GABRA3: variants seen among roughly 807,000 people sequenced by gnomAD.
The protein encoded by GABRA3 is gamma-aminobutyric acid receptor subunit alpha-3.
GABRA3 carries 10 observed loss-of-function variants against 30.1 expected under a neutral mutation model. The ratio of observed to expected loss-of-function variants is 0.33; its 90% CI spans 0.20 to 0.56. GABRA3 has a LOEUF of 0.56. Among genes scored for constraint, GABRA3 ranks in the 20% least tolerant of loss-of-function variants. GABRA3 has a pLI of 0.89. For synonymous variants in GABRA3, 151 were observed against 146.8 expected (o/e 1.03, Z -0.21); for missense variants, 233 against 392.0 (o/e 0.59, Z 3.42).
chrX:152,305,102 C>T (rs750582634), intron 3 of GABRA3, among the ~76,000 whole-genome samples: 3 of 110,459 alleles, frequency 2.7e-5, no homozygotes, highest in Non-Finnish European at 5.7e-5. Flanking sequence ...AGTATTTTGA[C>T]GTGTATATGT....
chrX:152,423,511 A>G, intron 1 of GABRA3, among the ~76,000 whole-genome samples: 1 of 112,176 alleles, frequency 8.9e-6, no homozygotes. Flanking sequence ...TTTAGAAAAT[A>G]AAGTTAGGCT....
chrX:152,306,016 A>G (rs1238758028), intron 3 of GABRA3, among the ~76,000 whole-genome samples: 1 of 112,271 alleles, frequency 8.9e-6, no homozygotes, highest in Non-Finnish European at 1.9e-5. Flanking sequence ...TTGTAAGTGT[A>G]TTAAAAATCT....
At chrX:152,439,573 T>A (rs1930866318) in intron 1 of GABRA3, among the ~76,000 whole-genome samples, 1 of 111,616 alleles carries the variant, frequency 9.0e-6, no homozygotes, top group African/African-American at 3.3e-5. Flanking sequence ...AGACATTTAC[T>A]TTGCATATAA....
At position 152,182,810 on chromosome X, in the gene GABRA3, T is replaced by C. The variant is rs767423610; in HGVS notation, c.1143+6920A>G. On this transcript the variant is annotated intron_variant, in intron 9 of 9. Transcript: ENST00000370314. ...TATATATACTATATATGTATATATT[T>C]ACACCATATATATACATATATATAG... Among the ~76,000 whole-genome samples, 64 of 41,798 alleles carry C rather than the reference T, an allele frequency of 1.5e-3. 1 individual carries two copies. The highest frequency in any genetic ancestry group is 5.2e-3 in the African/African-American group (62 of 11,986). 36.3% of individuals were successfully genotyped at this position (41,798 alleles called of 115,157 possible). A position where few individuals can be genotyped will look rare whatever the true frequency, so the allele number is the denominator to read the frequency against.
At chrX:152,256,119 T>C (rs1257897148) in intron 4 of GABRA3, 121 bp from the exon 5 acceptor site, 1 of 500,356 alleles carries the variant, frequency 2.0e-6, no homozygotes, top group East Asian at 3.6e-5. Flanking sequence ...AGCAGTCTAT[T>C]AACAGTAGCT....
At chrX:152,387,825 A>G in intron 1 of GABRA3, among the ~76,000 whole-genome samples, 2 of 111,387 alleles carry the variant, frequency 1.8e-5, no homozygotes. Flanking sequence ...AATTCCATAT[A>G]TCTGCTAGTG....
chrX:152,415,346 C>T (rs1930183711), intron 1 of GABRA3, among the ~76,000 whole-genome samples: 2 of 110,721 alleles, frequency 1.8e-5, no homozygotes, highest in African/African-American at 6.5e-5. Context: ...TATTAATTTT[C>T]TAAAAGCCAA....
intron 1 of GABRA3, among the ~76,000 whole-genome samples, chrX:152,399,719 G>A (rs1407796540): frequency 1.8e-5 from 2 of 111,765 alleles, no homozygotes; most frequent in Admixed American, 1.9e-4. Context: ...GATACAGATT[G>A]GATTTAAAAA....
chrX:152,420,888 G>C (rs1930355263), intron 1 of GABRA3, among the ~76,000 whole-genome samples: 1 of 110,387 alleles, frequency 9.1e-6, no homozygotes, highest in South Asian at 3.9e-4. Flanking sequence ...GTCAAGGTCG[G>C]GACCAGGTGG....
intron 5 of GABRA3, chrX:152,251,033 G>A (rs773092385): frequency 3.6e-6 from 1 of 277,661 alleles, no homozygotes; most frequent in African/African-American, 2.9e-5. Context: ...AATCAATTGT[G>A]GGGCTGTAAA....
chrX:152,280,134 A>G (rs188679070), intron 4 of GABRA3, among the ~76,000 whole-genome samples: 85 of 111,190 alleles, frequency 7.6e-4, no homozygotes, highest in African/African-American at 2.5e-3. Flanking sequence ...CCTGGCCAGA[A>G]CTTCCAACAC....
intron 1 of GABRA3, among the ~76,000 whole-genome samples, chrX:152,430,212 A>C (rs180999585): frequency 1.7e-3 from 190 of 112,009 alleles, no homozygotes; most frequent in African/African-American, 5.9e-3. Flanking sequence ...TTAAAGAAAA[A>C]ATAAAATATG....
intron 3 of GABRA3, among the ~76,000 whole-genome samples, chrX:152,307,027 CCTCA>C (rs1360277001): frequency 9.1e-6 from 1 of 110,427 alleles, no homozygotes; most frequent in Non-Finnish European, 1.9e-5. Context: ...CTTATTCCTG[CCTCA>C]CTATTTCTCC....
At chrX:152,305,419 G>T (rs184168880) in intron 3 of GABRA3, among the ~76,000 whole-genome samples, 253 of 104,476 alleles carry the variant, frequency 2.4e-3, no homozygotes, top group African/African-American at 8.2e-3. Flanking sequence ...AATCTAAAAT[G>T]TAAAAAAAAA....
At chrX:152,346,793 T>C (rs879179287) in intron 2 of GABRA3, among the ~76,000 whole-genome samples, 1 of 111,557 alleles carries the variant, frequency 9.0e-6, no homozygotes, top group Non-Finnish European at 1.9e-5. Flanking sequence ...CAATAACATA[T>C]CATCTCACCC....
At position 152,193,769 on chromosome X, in the gene GABRA3, C is replaced by T. The variant is rs748206169; in HGVS notation, c.932-3828G>A. ...ATCCCAGCCCTTTGGGAGGCTGAGG[C>T]GGGTGGATCACAAGGTCAGGAGTTT... On this transcript the variant is annotated intron_variant, in intron 8 of 9. Coordinates refer to ENST00000370314, the MANE Select transcript of GABRA3 (RefSeq NM_000808.4). Among the ~76,000 whole-genome samples, 14 of 112,064 alleles carry T rather than the reference C, an allele frequency of 1.2e-4. No individual in the cohort carries two copies. The East Asian group carries it at 1.4e-3, about 11-fold the overall frequency.
intron 7 of GABRA3, among the ~76,000 whole-genome samples, chrX:152,206,842 C>T (rs1354063399): frequency 8.9e-6 from 1 of 111,758 alleles, no homozygotes; most frequent in Non-Finnish European, 1.9e-5. Flanking sequence ...TGGACTGGTC[C>T]AGCCGGAGGC....
intron 3 of GABRA3, among the ~76,000 whole-genome samples, chrX:152,298,353 T>G (rs1939568550): frequency 1.8e-5 from 2 of 109,821 alleles, no homozygotes; most frequent in Non-Finnish European, 1.9e-5. Context: ...TAGGTATATC[T>G]CCTAATGCTA....
chrX:152,321,201 C>T (rs1034183852), intron 3 of GABRA3, among the ~76,000 whole-genome samples: 1 of 111,242 alleles, frequency 9.0e-6, no homozygotes, highest in Non-Finnish European at 1.9e-5. Flanking sequence ...GCCTCACATA[C>T]GGTTAAATAA....
Sources: allele counts gnomAD v4.1 joint callset (sites outside exome capture counted in the v4.1 genomes callset), GRCh38; gene constraint gnomAD v4.1.1; transcripts MANE v1.5; gene names NCBI Gene and HGNC (gene_info 2026-07-23, HGNC 2026-07-21).